The following CPEB4 variants were observed in gnomAD, a reference collection of about 807,000 sequenced individuals.
CPEB4 encodes the protein cytoplasmic polyadenylation element-binding protein 4.
A neutral mutation model predicts 72.5 loss-of-function variants in CPEB4; 12 were observed. The observed-to-expected ratio is 0.17, with a 90% CI of 0.11 to 0.27. The LOEUF is 0.27. Ranked by LOEUF, CPEB4 falls within the 10% of genes least tolerant of loss-of-function variation. The pLI, the probability that CPEB4 is intolerant of heterozygous loss-of-function variation, is 1.00. For missense variants in CPEB4, 614 were observed against 908.5 expected (o/e 0.68, Z 4.17); for synonymous variants, 302 against 326.3 (o/e 0.93, Z 0.80).
chr5:173,893,067 A>G (rs1488670666), intron 1 of CPEB4: 1 of 151,774 alleles, frequency 6.6e-6, no homozygotes. Flanking sequence ...ACACGCACAC[A>G]TGTATGAGGA....
chr5:173,904,596 A>G (rs1197085867), intron 1 of CPEB4, among the ~76,000 whole-genome samples: 1 of 152,198 alleles, frequency 6.6e-6, no homozygotes, highest in Admixed American at 6.5e-5. Context: ...CAGCATATTC[A>G]TACCCTCAGA....
intron 1 of CPEB4, among the ~76,000 whole-genome samples, chr5:173,898,521 T>C (rs1233055362): frequency 6.6e-6 from 1 of 152,204 alleles, no homozygotes; most frequent in East Asian, 1.9e-4. Context: ...TTTTTGAGGA[T>C]AAAATGAAAT....
chr5:173,945,879 A>T (rs1757999544), intron 5 of CPEB4, among the ~76,000 whole-genome samples: 1 of 152,232 alleles, frequency 6.6e-6, no homozygotes, highest in Admixed American at 6.5e-5. Flanking sequence ...TATGCTATTC[A>T]TCCGTGGGTC....
intron 1 of CPEB4, among the ~76,000 whole-genome samples, chr5:173,905,015 A>ATAAT (rs1391462819): frequency 1.7e-4 from 10 of 57,708 alleles, no homozygotes; most frequent in African/African-American, 6.6e-4. Flanking sequence ...AATAATAATA[A>ATAAT]TAAAAAAATG....
chr5:173,921,428 G>A (rs1757068729), intron 2 of CPEB4, among the ~76,000 whole-genome samples: 1 of 152,192 alleles, frequency 6.6e-6, no homozygotes. Context: ...TTTAACAGAG[G>A]AAATGGTGAG....
intron 3 of CPEB4, among the ~76,000 whole-genome samples, chr5:173,941,843 A>C (rs1757857205): frequency 6.6e-6 from 1 of 152,244 alleles, no homozygotes; most frequent in Non-Finnish European, 1.5e-5. Context: ...GCACCACTCC[A>C]GCCTGGGTGA....
intron 1 of CPEB4, among the ~76,000 whole-genome samples, chr5:173,910,021 A>ATT (rs1286989602): frequency 2.8e-5 from 4 of 144,826 alleles, no homozygotes; most frequent in African/African-American, 1.0e-4. Flanking sequence ...GATTTCTCTC[A>ATT]TTTTTTTTTT....
intron 3 of CPEB4, among the ~76,000 whole-genome samples, chr5:173,934,812 A>G (rs1757566200): frequency 6.6e-6 from 1 of 152,232 alleles, no homozygotes; most frequent in Non-Finnish European, 1.5e-5. Context: ...AGAGGTGTTG[A>G]GAATTTTTTA....
rs1053022905 is a variant in CPEB4, at chr5:173,896,413, C to T, written c.1125+5555C>T. Among the ~76,000 whole-genome samples the T allele has an allele frequency of 3.3e-5, 5 of 151,922 alleles. 1 individual carries two copies. Among genetic ancestry groups the T allele is most frequent in the South Asian group, 2.1e-4 (1 of 4,822 alleles). ...GAGATTCCCATCCATTTTTTCTCAC[C>T]GCATTTTATCTTATTGAAACAGAAT... is the stretch of plus-strand genomic sequence containing the variant. On this transcript the variant is annotated intron_variant, in intron 1 of 9. Transcript: ENST00000265085.
At chr5:173,909,262 G>T (rs1263700447) in intron 1 of CPEB4, among the ~76,000 whole-genome samples, 1 of 152,122 alleles carries the variant, frequency 6.6e-6, no homozygotes, top group African/African-American at 2.4e-5. Context: ...GTTTTGTTTT[G>T]TTTTGTTTTG....
At chr5:173,917,513 C>T (rs1232641430) in intron 2 of CPEB4, among the ~76,000 whole-genome samples, 1 of 152,162 alleles carries the variant, frequency 6.6e-6, no homozygotes, top group Non-Finnish European at 1.5e-5. Flanking sequence ...GTGGGTGGAT[C>T]ACCAGGAGTT....
rs1755694298 is a variant in CPEB4 at position 173,888,647 on chromosome 5, C to T, written c.-1087C>T. The T allele has an allele frequency of 5.0e-6, 2 of 400,578 alleles. No homozygotes were observed. Among genetic ancestry groups the T allele is most frequent in the Non-Finnish European group, 8.8e-6 (2 of 227,010 alleles). The allele number at this position is 400,578 out of a possible 1,614,324, so 24.8% of individuals were successfully genotyped here. A position where few individuals can be genotyped will look rare whatever the true frequency, so the allele number is the denominator to read the frequency against. On this transcript the variant is annotated 5_prime_UTR_variant, in exon 1 of 10. Transcript: ENST00000265085. This position sits in a 1 kb window ranked among gnomAD's most constrained non-coding sequence, Gnocchi z 4.3. The stretch of plus-strand genomic sequence containing the variant: ...GAGAGAGAAAGCCGAGGGGGGAGGC[C>T]CTTCTCCTTTAAAATAACTACGGTA...
At chr5:173,944,270 C>G (rs1188038883) in intron 4 of CPEB4, among the ~76,000 whole-genome samples, 1 of 151,846 alleles carries the variant, frequency 6.6e-6, no homozygotes, top group Non-Finnish European at 1.5e-5. Flanking sequence ...TTGATTATAT[C>G]CCATTAGTTA....
rs778626538 is a variant in CPEB4 at position 173,929,923 on chromosome 5, G to T, written c.1208-2527G>T. On this transcript the variant is annotated intron_variant, in intron 2 of 9. Coordinates refer to ENST00000265085, the MANE Select transcript of CPEB4 (RefSeq NM_030627.4). The stretch of plus-strand genomic sequence containing the variant: ...CTTCTGAAAATGTTTTATGATAAAT[G>T]AAAGTGTGATAGCTCTTATTCATTT... 3.9e-5 allele frequency among the ~76,000 whole-genome samples: 6 copies of T among 152,226 alleles called. No homozygotes were observed. In the South Asian group the frequency reaches 6.2e-4, roughly 16 times the overall value.
intron 2 of CPEB4, among the ~76,000 whole-genome samples, chr5:173,914,760 A>G (rs1240253666): frequency 1.3e-5 from 2 of 152,232 alleles, no homozygotes; most frequent in Non-Finnish European, 2.9e-5. Context: ...CTCCGTCACA[A>G]AAAGGAAAGA....
In CPEB4 at chr5:173,912,778, T is replaced by TA. The variant is rs879274759; in HGVS notation, c.1207+2188dup. Among the ~76,000 whole-genome samples the TA allele has an allele frequency of 5.3e-4, 74 of 139,190 alleles. 1 individual carries two copies. Among genetic ancestry groups the TA allele is most frequent in the South Asian group, 1.1e-3 (5 of 4,418 alleles). 91.3% of individuals were successfully genotyped at this position (139,190 alleles called of 152,430 possible). A position where few individuals can be genotyped will look rare whatever the true frequency, so the allele number is the denominator to read the frequency against. ...GTGAGACCTGGTCTCTACAAACATT[T>TA]AAAAAAAAAAAAAATTAGCCAGGCA... On this transcript the variant is annotated intron_variant, in intron 2 of 9. Coordinates refer to ENST00000265085, the MANE Select transcript of CPEB4 (RefSeq NM_030627.4).
chr5:173,897,427 A>T (rs989864741), intron 1 of CPEB4, among the ~76,000 whole-genome samples: 4 of 152,190 alleles, frequency 2.6e-5, no homozygotes, highest in South Asian at 2.1e-4. Flanking sequence ...AAGAGTTTTT[A>T]AAAAATATTT....
At chr5:173,903,257 G>T (rs1411254463) in intron 1 of CPEB4, among the ~76,000 whole-genome samples, 1 of 152,158 alleles carries the variant, frequency 6.6e-6, no homozygotes, top group Non-Finnish European at 1.5e-5. Context: ...CAAAGGTATG[G>T]ACCTTAGAAC....
intron 1 of CPEB4, among the ~76,000 whole-genome samples, chr5:173,901,697 A>C (rs1756239083): frequency 2.0e-5 from 3 of 152,224 alleles, no homozygotes; most frequent in African/African-American, 7.2e-5. Flanking sequence ...TTTGCCTACG[A>C]TGGGGAAAAT....
Sources: gnomAD v4.1 joint callset for allele counts (sites outside exome capture counted in the v4.1 genomes callset) on GRCh38, gnomAD v4.1.1 for gene constraint, Gnocchi (gnomAD v3.1) non-coding constraint, MANE v1.5 for transcripts, NCBI Gene and HGNC (gene_info 2026-07-23, HGNC 2026-07-21) for gene names.